Variants in EPHB1 observed in about 807,000 individuals in gnomAD.
EPHB1 encodes EPH receptor B1.
A neutral mutation model predicts 94.4 loss-of-function variants in EPHB1; 30 were observed. The ratio of observed to expected loss-of-function variants is 0.32; its 90% CI spans 0.24 to 0.43. EPHB1 has a LOEUF of 0.43. Among genes scored for constraint, EPHB1 ranks in the 20% least tolerant of loss-of-function variants. The pLI is 1.00. For synonymous variants in EPHB1, 522 were observed against 489.1 expected, an observed-to-expected ratio of 1.07 and a Z score of -0.89; for missense variants, 1,055 against 1,308.3, an observed-to-expected ratio of 0.81 and a Z score of 2.99.
At chr3:134,985,166 G>GT (rs970563079) in intron 3 of EPHB1, among the ~76,000 whole-genome samples, 6 of 152,056 alleles carry the variant, frequency 3.9e-5, no homozygotes, top group Non-Finnish European at 8.8e-5. Flanking sequence ...GTTTTGTTTT[G>GT]TTTTTTGAGT....
intron 3 of EPHB1, among the ~76,000 whole-genome samples, chr3:134,974,846 T>C (rs1475435747): frequency 6.6e-6 from 1 of 151,498 alleles, no homozygotes; most frequent in East Asian, 1.9e-4. Flanking sequence ...CATTTTCCTG[T>C]TTCCAGCACG....
At chr3:135,224,457 T>A (rs1261951226) in intron 12 of EPHB1, among the ~76,000 whole-genome samples, 1 of 152,242 alleles carries the variant, frequency 6.6e-6, no homozygotes, top group African/African-American at 2.4e-5. Context: ...AAACACCTGA[T>A]GTCCATCTGT....
chr3:134,975,935 T>C (rs1934174077), intron 3 of EPHB1, among the ~76,000 whole-genome samples: 2 of 150,904 alleles, frequency 1.3e-5, no homozygotes, highest in Non-Finnish European at 2.9e-5. Flanking sequence ...GGATATAGGA[T>C]GAAAGGGAAA....
intron 3 of EPHB1, among the ~76,000 whole-genome samples, chr3:135,063,077 T>G (rs1346629628): frequency 6.6e-6 from 1 of 152,232 alleles, no homozygotes; most frequent in Non-Finnish European, 1.5e-5. Flanking sequence ...CATGCTGTTT[T>G]GGTGACTGTA....
chr3:134,923,801 T>A (rs2038736477), intron 1 of EPHB1, among the ~76,000 whole-genome samples: 1 of 152,194 alleles, frequency 6.6e-6, no homozygotes, highest in Non-Finnish European at 1.5e-5. Context: ...TTTGTGACTC[T>A]GCATTCACAT....
At chr3:135,174,473 A>G (rs148008524) in intron 9 of EPHB1, among the ~76,000 whole-genome samples, 2 of 152,316 alleles carry the variant, frequency 1.3e-5, no homozygotes, top group East Asian at 3.9e-4. Context: ...ACTGGCACCC[A>G]TAGCCTCTGC....
intron 1 of EPHB1, among the ~76,000 whole-genome samples, chr3:134,888,647 G>A (rs961482957): frequency 1.0e-4 from 15 of 149,560 alleles, no homozygotes; most frequent in Non-Finnish European, 4.4e-5. Context: ...GTTGGAGATT[G>A]CAGTGAGCCG....
intron 12 of EPHB1, among the ~76,000 whole-genome samples, chr3:135,240,332 G>A (rs530924821): frequency 6.6e-6 from 1 of 152,272 alleles, no homozygotes; most frequent in East Asian, 1.9e-4. Context: ...ATGAATGAGT[G>A]GATAGATGTG....
intron 3 of EPHB1, among the ~76,000 whole-genome samples, chr3:135,069,318 GT>G (rs567461338): frequency 6.6e-6 from 1 of 152,178 alleles, no homozygotes; most frequent in Non-Finnish European, 1.5e-5. Context: ...TGGGTCACCA[GT>G]TTTGCAAGTT....
At chr3:134,833,658 G>A (rs935115568) in intron 1 of EPHB1, among the ~76,000 whole-genome samples, 1 of 152,196 alleles carries the variant, frequency 6.6e-6, no homozygotes, top group Non-Finnish European at 1.5e-5. Context: ...AGAGTATGCT[G>A]TGGGGCCCCA....
At chr3:135,248,042 A>G (rs766532878) in intron 13 of EPHB1, among the ~76,000 whole-genome samples, 3 of 152,186 alleles carry the variant, frequency 2.0e-5, no homozygotes, top group Non-Finnish European at 4.4e-5. Context: ...ATTCTTCAAC[A>G]AACATTTACA....
At chr3:134,856,157 C>G (rs903379380) in intron 1 of EPHB1, among the ~76,000 whole-genome samples, 2 of 152,176 alleles carry the variant, frequency 1.3e-5, no homozygotes, top group Non-Finnish European at 2.9e-5. Flanking sequence ...ACCACCCCAC[C>G]TTGGGGTTGG....
intron 1 of EPHB1, among the ~76,000 whole-genome samples, chr3:134,817,005 C>T (rs1005370176): frequency 4.6e-5 from 7 of 152,208 alleles, no homozygotes; most frequent in Non-Finnish European, 5.9e-5. Context: ...CCTCCCATCT[C>T]ACCAGGATTC....
intron 1 of EPHB1, among the ~76,000 whole-genome samples, chr3:134,922,008 C>A (rs531394425): frequency 6.6e-6 from 1 of 152,298 alleles, no homozygotes; most frequent in South Asian, 2.1e-4. Context: ...CATGCGTGTG[C>A]CCTTCCCGGC....
intron 9 of EPHB1, among the ~76,000 whole-genome samples, chr3:135,178,590 T>C (rs562266733): frequency 1.3e-5 from 2 of 152,190 alleles, no homozygotes; most frequent in South Asian, 4.2e-4. Flanking sequence ...AGGAGAGCTA[T>C]AGAGCCATCA....
intron 1 of EPHB1, among the ~76,000 whole-genome samples, chr3:134,855,881 GCAGCC>G (rs1332994524): frequency 1.3e-5 from 2 of 152,178 alleles, no homozygotes; most frequent in African/African-American, 4.8e-5. Context: ...TAATCTGCAA[GCAGCC>G]CTATGGGATG....
rs2107736303 is a variant in EPHB1, at chr3:135,259,036, C to T, written c.2871C>T (p.Thr957=). The change falls in exon 16 of 16, where the codon ACC becomes ACT. Residue 957 remains threonine, a synonymous_variant. Coordinates refer to ENST00000398015, the MANE Select transcript of EPHB1 (RefSeq NM_004441.5). ...GAGACCTCCTGAGAATAGGCATCAC[C>T]TTGGCAGGCCATCAGAAGAAGATCC... ...TSEDLLRIGI[T]LAGHQKKILN... 2 of 1,609,458 alleles carry T rather than the reference C, an allele frequency of 1.2e-6. No homozygotes were observed. The highest frequency in any genetic ancestry group is 1.7e-6 in the Non-Finnish European group (2 of 1,178,076).
intron 1 of EPHB1, among the ~76,000 whole-genome samples, chr3:134,891,615 A>G (rs973225376): frequency 1.3e-5 from 2 of 152,200 alleles, no homozygotes; most frequent in African/African-American, 4.8e-5. Flanking sequence ...ATTTATTAAT[A>G]TGGTTAATTA....
chr3:135,179,255 A>G (rs934740465), intron 9 of EPHB1, among the ~76,000 whole-genome samples: 1 of 152,206 alleles, frequency 6.6e-6, no homozygotes, highest in Non-Finnish European at 1.5e-5. Context: ...TTTTCTATGT[A>G]GACTTTGCTC....
Sources: allele counts gnomAD v4.1 joint callset (sites outside exome capture counted in the v4.1 genomes callset), GRCh38; gene constraint gnomAD v4.1.1; transcripts MANE v1.5; gene names NCBI Gene and HGNC (gene_info 2026-07-23, HGNC 2026-07-21).